The following ICA1 variants were observed in gnomAD, a reference collection of about 807,000 sequenced individuals.
The protein encoded by ICA1 is islet cell autoantigen 1, also known as 69 kDa islet cell autoantigen.
ICA1 carries 40 observed loss-of-function variants against 71.0 expected under a neutral mutation model. The observed-to-expected ratio is 0.56, with a 90% CI of 0.44 to 0.73. The LOEUF is 0.73. Among genes scored for constraint, ICA1 ranks in the 30% least tolerant of loss-of-function variants. The pLI, the probability that ICA1 is intolerant of heterozygous loss-of-function variation, is 0.00. For synonymous variants in ICA1, 207 were observed against 209.5 expected, an observed-to-expected ratio of 0.99 and a Z score of 0.10; for missense variants, 578 against 576.5, an observed-to-expected ratio of 1.00 and a Z score of -0.03.
At chr7:8,216,840 T>C (rs1477698666) in intron 6 of ICA1, among the ~76,000 whole-genome samples, 8 of 152,230 alleles carry the variant, frequency 5.3e-5, no homozygotes, top group Non-Finnish European at 1.2e-4. Context: ...ATCATTTTCC[T>C]CGCTTATAAA....
chr7:8,152,605 C>CCAT (rs1175885104), intron 8 of ICA1, among the ~76,000 whole-genome samples: 49 of 142,696 alleles, frequency 3.4e-4, no homozygotes, highest in Non-Finnish European at 5.8e-4. Context: ...ACCCCCAGCA[C>CCAT]TACCACCATC....
rs137884756 is a variant in ICA1, at chr7:8,222,072, C to T, written c.257-674G>A. Among the ~76,000 whole-genome samples the T allele has an allele frequency of 1.4e-3, 220 of 152,194 alleles. No homozygotes were observed. The highest frequency in any genetic ancestry group is 4.7e-3 in the African/African-American group (197 of 41,518). On this transcript the variant is annotated intron_variant, in intron 4 of 13. Coordinates refer to ENST00000402384, the MANE Select transcript of ICA1 (RefSeq NM_001136020.3). The surrounding 1 kb of genome is among the most constrained non-coding windows in gnomAD (Gnocchi z 4.8). ...GCAAGCTTTCTGCAGACTGATTTGA[C>T]GGTAAACATTTAAAAAATCATAGAA...
intron 1 of ICA1, among the ~76,000 whole-genome samples, chr7:8,261,012 A>T (rs1812130569): frequency 6.6e-6 from 1 of 152,220 alleles, no homozygotes; most frequent in South Asian, 2.1e-4. Flanking sequence ...TGGCCAATAA[A>T]TGCCTTATGT....
At chr7:8,261,708 G>A (rs527281858) in intron 1 of ICA1, among the ~76,000 whole-genome samples, 2 of 152,186 alleles carry the variant, frequency 1.3e-5, no homozygotes, top group East Asian at 3.9e-4. Flanking sequence ...AGGGAGCTCG[G>A]GGTCCTGGGG....
intron 6 of ICA1, among the ~76,000 whole-genome samples, chr7:8,201,965 G>A (rs1172753811): frequency 6.6e-6 from 1 of 152,152 alleles, no homozygotes; most frequent in African/African-American, 2.4e-5. Flanking sequence ...GAAACCGGGG[G>A]ACAGGGAGTG....
intron 6 of ICA1, among the ~76,000 whole-genome samples, chr7:8,161,331 G>A (rs1237271786): frequency 6.6e-6 from 1 of 152,184 alleles, no homozygotes; most frequent in Non-Finnish European, 1.5e-5. Flanking sequence ...AAGAGGAACA[G>A]AGAGACAGCA....
intron 6 of ICA1, among the ~76,000 whole-genome samples, chr7:8,195,624 T>C (rs1787199443): frequency 6.6e-6 from 1 of 152,082 alleles, no homozygotes; most frequent in African/African-American, 2.4e-5. Flanking sequence ...TGACAGTTTC[T>C]TATAAAACTA....
At chr7:8,136,991 T>C (rs1268934562) in intron 12 of ICA1, among the ~76,000 whole-genome samples, 1 of 152,150 alleles carries the variant, frequency 6.6e-6, no homozygotes, top group Non-Finnish European at 1.5e-5. Flanking sequence ...GCATGACTAC[T>C]GGGTTAGGGT....
At chr7:8,247,228 G>C (rs1806369948) in intron 1 of ICA1, among the ~76,000 whole-genome samples, 1 of 152,160 alleles carries the variant, frequency 6.6e-6, no homozygotes, top group Admixed American at 6.5e-5. Context: ...AAGGCAAGTG[G>C]AACGCTTGAG....
chr7:8,141,862 A>G (rs373982337), intron 9 of ICA1, 45 bp from the exon 10 acceptor site: 22 of 1,410,734 alleles, frequency 1.6e-5, no homozygotes, highest in East Asian at 4.6e-5. Flanking sequence ...TACCAATGTT[A>G]TATTTATGAT....
rs569841940 is a variant in ICA1 at position 8,177,584 on chromosome 7, CT to C, written c.580-18933del. 3.9e-5 allele frequency among the ~76,000 whole-genome samples: 6 copies of C among 152,202 alleles called. No homozygotes were observed. The South Asian group carries it at 1.2e-3, about 32-fold the overall frequency. On this transcript the variant is annotated intron_variant, in intron 6 of 13. Transcript: ENST00000402384. ...ATTACTTTTATTTTTATTAATCTTT[CT>C]TTTGATCTATGTGCTATGTGAAAAG...
intron 6 of ICA1, among the ~76,000 whole-genome samples, chr7:8,217,547 A>T (rs548667285): frequency 1.3e-5 from 2 of 152,228 alleles, no homozygotes; most frequent in Non-Finnish European, 2.9e-5. Context: ...CATTTGGCTG[A>T]TTCTTTTTTC....
At chr7:8,253,215 C>G (rs989005505) in intron 1 of ICA1, among the ~76,000 whole-genome samples, 1 of 152,196 alleles carries the variant, frequency 6.6e-6, no homozygotes, top group Non-Finnish European at 1.5e-5. Flanking sequence ...GTTATTTCTG[C>G]TCAGAATCTC....
intron 8 of ICA1, among the ~76,000 whole-genome samples, chr7:8,147,843 G>A (rs867997299): frequency 4.6e-5 from 7 of 150,938 alleles, no homozygotes; most frequent in South Asian, 4.2e-4. Flanking sequence ...ATGTTGATGA[G>A]AAAAAAAAAT....
At chr7:8,224,107 C>T (rs943671915) in intron 4 of ICA1, among the ~76,000 whole-genome samples, 1 of 152,018 alleles carries the variant, frequency 6.6e-6, no homozygotes, top group Non-Finnish European at 1.5e-5. Context: ...ATCACAAACA[C>T]GAAACACAAA....
At chr7:8,251,075 A>G (rs1003093662) in intron 1 of ICA1, among the ~76,000 whole-genome samples, 8 of 151,778 alleles carry the variant, frequency 5.3e-5, no homozygotes, top group African/African-American at 1.9e-4. Context: ...TAATTTTTTT[A>G]TTTTTAGTAA....
intron 13 of ICA1, among the ~76,000 whole-genome samples, chr7:8,115,723 TGATACCAAA>T (rs1784585366): frequency 6.6e-6 from 1 of 152,220 alleles, no homozygotes; most frequent in Admixed American, 6.5e-5. Context: ...AGAAAGTCAG[TGATACCAAA>T]GAAACAGAGC....
intron 6 of ICA1, among the ~76,000 whole-genome samples, chr7:8,164,771 A>G (rs1370472152): frequency 1.3e-5 from 2 of 152,200 alleles, no homozygotes. Flanking sequence ...AGCCCATCTG[A>G]AGTCACTTCA....
chr7:8,147,839 A>C (rs994158161), intron 8 of ICA1, among the ~76,000 whole-genome samples: 1 of 152,062 alleles, frequency 6.6e-6, no homozygotes, highest in Non-Finnish European at 1.5e-5. Flanking sequence ...TATAATGTTG[A>C]TGAGAAAAAA....
Sources: gnomAD v4.1 joint callset for allele counts (sites outside exome capture counted in the v4.1 genomes callset) on GRCh38, gnomAD v4.1.1 for gene constraint, Gnocchi (gnomAD v3.1) non-coding constraint, MANE v1.5 for transcripts, NCBI Gene and HGNC (gene_info 2026-07-23, HGNC 2026-07-21) for gene names.